ZNF671: variants seen among roughly 807,000 people sequenced by gnomAD.
The protein encoded by ZNF671 is hypothetical protein FLJ23506.
ZNF671 carries 19 observed loss-of-function variants against 16.6 expected under a neutral mutation model. The ratio of observed to expected loss-of-function variants is 1.14; its 90% CI spans 0.80 to 1.68. The LOEUF (loss-of-function observed/expected upper bound fraction) is 1.68. Among genes scored for constraint, ZNF671 ranks in the 40% most tolerant of loss-of-function variants. ZNF671 has a pLI of 0.00. For synonymous variants in ZNF671, 238 were observed against 236.3 expected (o/e 1.01, Z -0.06); for missense variants, 637 against 659.8 (o/e 0.97, Z 0.38).
Position 57,727,425 on chromosome 19 carries a change from T to C in ZNF671, c.104A>G (p.His35Arg), listed in dbSNP as rs765722592. 22 of 1,612,772 alleles carry C rather than the reference T, an allele frequency of 1.4e-5. No individual in the cohort carries two copies. In the South Asian group the frequency reaches 1.6e-4, roughly 12 times the overall value. ...RLPLPAAVRAHGPMAELTDSA... is the reference protein window; with the variant it reads ...RLPLPAAVRARGPMAELTDSA... ...GTCCGTTAGCTCCGCCATAGGACCG[T>C]GGGCGCGGACAGCTGCCGGGAGCGG... Residue 35 changes from histidine (H) to arginine (R), a missense_variant, in exon 1 of 4, where the codon CAC (histidine) becomes CGC (arginine). Coordinates refer to ENST00000317398, the MANE Select transcript of ZNF671 (RefSeq NM_024833.3).
rs748301533 is a variant in ZNF671 at position 57,723,298 on chromosome 19, C to T, written c.181G>A (p.Glu61Lys). 6.2e-7 allele frequency: 1 copy of T among 1,613,766 alleles called. No homozygotes were observed. The highest frequency in any genetic ancestry group is 1.3e-5 in the African/African-American group (1 of 75,024). Residue 61 changes from glutamate (E) to lysine (K), a missense_variant, in exon 2 of 4, where the codon GAA becomes AAA. Physicochemically the swap from Glu to Lys is moderately conservative, Grantham distance 56 (BLOSUM62 1). Transcript: ENST00000317398. ...GCATCATCAAGAAGCTCCCATTCTT[C>T]CCGAGAGAAGTATACAAACACATCC... ...FEDVFVYFSR[E>K]EWELLDDAQR...
rs780219116 is a variant in ZNF671 at position 57,723,271 on chromosome 19, G to C, written c.208C>G (p.Gln70Glu). The C allele has an allele frequency of 1.2e-6, 2 of 1,613,704 alleles. No individual in the cohort carries two copies. The highest frequency in any genetic ancestry group is 1.7e-6 in the Non-Finnish European group (2 of 1,179,818). The change falls in exon 2 of 4, where the codon CAG becomes GAG. Residue 70 changes from glutamine (Q) to glutamate (E), a missense_variant. Transcript: ENST00000317398. The stretch of plus-strand genomic sequence containing the variant: ...ATCACATCATGGTACAAAAGTCTCT[G>C]AGCATCATCAAGAAGCTCCCATTCT... ...REEWELLDDAQRLLYHDVMLE... is the reference protein window; with the variant it reads ...REEWELLDDAERLLYHDVMLE...
chr19:57,722,714 C>A (rs1433668934), intron 2 of ZNF671, among the ~76,000 whole-genome samples: 1 of 152,122 alleles, frequency 6.6e-6, no homozygotes, highest in South Asian at 2.1e-4. Context: ...CCAGCCTGGG[C>A]AACATGGCAA....
intron 1 of ZNF671, among the ~76,000 whole-genome samples, chr19:57,726,506 G>T (rs976269432): frequency 2.0e-5 from 3 of 151,662 alleles, no homozygotes; most frequent in Non-Finnish European, 4.4e-5. Context: ...CTTCTGGGGG[G>T]AGTCTCAAGA....
chr19:57,720,658 T>C lies in ZNF671; in HGVS notation c.1428A>G (p.Glu476=). Residue 476 remains glutamate (E), a synonymous_variant, in exon 4 of 4, where the codon GAA becomes GAG. Coordinates refer to ENST00000317398, the MANE Select transcript of ZNF671 (RefSeq NM_024833.3). The part of the protein sequence containing the change: ...LIQHQKVHSG[E]KPYECSKCGK... Reference sequence around the variant, plus strand: ...CGCACTTGCTGCACTCATAAGGCTTTTCTCCAGAGTGAACTTTCTGGTGCT... The same window carrying C: ...CGCACTTGCTGCACTCATAAGGCTTCTCTCCAGAGTGAACTTTCTGGTGCT... The C allele has an allele frequency of 1.2e-6, 2 of 1,614,210 alleles. No individual in the cohort carries two copies. Among genetic ancestry groups the C allele is most frequent in the Non-Finnish European group, 1.7e-6 (2 of 1,180,050 alleles).
Position 57,720,781 on chromosome 19 carries a change from G to T in ZNF671, c.1305C>A (p.Ser435Arg). The T allele has an allele frequency of 6.2e-7, 1 of 1,614,154 alleles. No individual in the cohort carries two copies. ...YECSECGKAF[S>R]QSSHLNVHWR... is the part of the protein sequence containing the mutation. The stretch of plus-strand genomic sequence containing the variant: ...AGTGTACATTAAGGTGGGAGCTTTG[G>T]CTAAAGGCCTTCCCACATTCACTGC... The change falls in exon 4 of 4, where the codon AGC (serine) becomes AGA (arginine). Residue 435 changes from serine to arginine, a missense_variant. Coordinates refer to ENST00000317398, the MANE Select transcript of ZNF671 (RefSeq NM_024833.3).
At position 57,723,214 on chromosome 19, in the gene ZNF671, C is replaced by G; in HGVS notation, c.265G>C (p.Gly89Arg). Residue 89 changes from glycine (G) to arginine (R), a missense_variant and splice_region_variant, in exon 2 of 4, where the codon GGA (glycine) becomes CGA (arginine). Physicochemically the swap from Gly to Arg is moderately radical, Grantham distance 125. Coordinates refer to ENST00000317398, the MANE Select transcript of ZNF671 (RefSeq NM_024833.3). ...LENFALLASL[G>R]IAFSRSRAVM... is the part of the protein sequence containing the mutation. ...AGGCAGAAAAGCATGAGGACCTTAC[C>G]CAGTGAGGCTAAAAGTGCAAAGTTC... is the stretch of plus-strand genomic sequence containing the variant. 6.2e-7 allele frequency: 1 copy of G among 1,609,500 alleles called. No homozygotes were observed. The highest frequency in any genetic ancestry group is 8.5e-7 in the Non-Finnish European group (1 of 1,177,354).
intron 1 of ZNF671, among the ~76,000 whole-genome samples, chr19:57,724,992 G>A (rs1259573490): frequency 6.6e-6 from 1 of 152,086 alleles, no homozygotes; most frequent in Non-Finnish European, 1.5e-5. Context: ...CTGGCCTTAG[G>A]ATAATGACAG....
At chr19:57,723,418 G>A in intron 1 of ZNF671, 78 bp from the exon 2 acceptor site, 1 of 1,503,020 alleles carries the variant, frequency 6.7e-7, no homozygotes, top group African/African-American at 1.4e-5. Flanking sequence ...ACAACATCCT[G>A]CTAACTAACC....
intron 1 of ZNF671, 105 bp from the exon 2 acceptor site, chr19:57,723,445 C>G (rs1985943723): frequency 9.5e-6 from 13 of 1,361,648 alleles, no homozygotes; most frequent in Non-Finnish European, 1.3e-5. Context: ...GTTCCCAAGT[C>G]AGAGATACCA....
chr19:57,726,567 C>A (rs1396461916), intron 1 of ZNF671, among the ~76,000 whole-genome samples: 1 of 152,014 alleles, frequency 6.6e-6, no homozygotes, highest in Non-Finnish European at 1.5e-5. Context: ...TCATCTCTTA[C>A]CCCAGAGATA....
chr19:57,723,006 A>T (rs1182235661), intron 2 of ZNF671, among the ~76,000 whole-genome samples: 1 of 152,180 alleles, frequency 6.6e-6, no homozygotes, highest in African/African-American at 2.4e-5. Context: ...AGACCTAGTG[A>T]GATCCACTGG....
chr19:57,722,530 G>T, intron 2 of ZNF671, 92 bp from the exon 3 acceptor site: 1 of 1,563,964 alleles, frequency 6.4e-7, no homozygotes, highest in East Asian at 2.2e-5. Flanking sequence ...AACCTGGGAG[G>T]AGTTGTGCAG....
chr19:57,721,668 C>A lies in ZNF671; in HGVS notation c.418G>T (p.Val140Leu). 6.2e-7 allele frequency: 1 copy of A among 1,613,666 alleles called. No homozygotes were observed. Among genetic ancestry groups the A allele is most frequent in the Non-Finnish European group, 8.5e-7 (1 of 1,179,602 alleles). ...ACAAAAATGCTCTGCTCAGAAGATA[C>A]CTCTTCATCCTCCACTCCATGCCAA... The part of the protein sequence containing the change: ...GCWHGVEDEE[V>L]SSEQSIFVAG... Residue 140 changes from valine (V) to leucine (L), a missense_variant, in exon 4 of 4, where the codon GTA (valine) becomes TTA (leucine). Physicochemically the swap from Val to Leu is conservative, Grantham distance 32 (BLOSUM62 1). Coordinates refer to ENST00000317398, the MANE Select transcript of ZNF671 (RefSeq NM_024833.3).
At chr19:57,721,850 G>T in intron 3 of ZNF671, 153 bp from the exon 4 acceptor site, 1 of 1,082,634 alleles carries the variant, frequency 9.2e-7, no homozygotes, top group Non-Finnish European at 1.3e-6. Context: ...ATGGCTTTGA[G>T]GTAGTGAGCC....
chr19:57,727,476 C>T lies in ZNF671; in HGVS notation c.53G>A (p.Cys18Tyr). 1 of 1,613,262 alleles carries T rather than the reference C, an allele frequency of 6.2e-7. No homozygotes were observed. The highest frequency in any genetic ancestry group is 1.1e-5 in the South Asian group (1 of 91,016). ...CAGGCGTCTCGATCGGGGACGCAGG[C>T]ACTTCCGTCCCTGCAGAGCATCAGA... ...DASDALQGRK[C>Y]LRPRSRRLPL... The change falls in exon 1 of 4, where the codon TGC becomes TAC. Residue 18 changes from cysteine to tyrosine, a missense_variant. Cys to Tyr is a radical substitution (Grantham distance 194, BLOSUM62 -2). Coordinates refer to ENST00000317398, the MANE Select transcript of ZNF671 (RefSeq NM_024833.3).
Position 57,720,897 on chromosome 19 carries a change from A to G in ZNF671, c.1189T>C (p.Tyr397His), listed in dbSNP as rs149563831. The stretch of plus-strand genomic sequence containing the variant: ...TCTTTCCCACATTCGCTGCATACAT[A>G]AGGCCTGGCTCCTGTGTGAACTTCC... ...HQEVHTGARPYVCSECGKEFS... is the reference protein window; with the variant it reads ...HQEVHTGARPHVCSECGKEFS... The change falls in exon 4 of 4, where the codon TAT (tyrosine) becomes CAT (histidine). Residue 397 changes from tyrosine (Y) to histidine (H), a missense_variant. Transcript: ENST00000317398. 275 of 1,614,020 alleles carry G rather than the reference A, an allele frequency of 1.7e-4. No homozygotes were observed. The highest frequency in any genetic ancestry group is 2.2e-4 in the Non-Finnish European group (261 of 1,180,006).
At chr19:57,726,861 T>C (rs1373174809) in intron 1 of ZNF671, 1 of 152,850 alleles carries the variant, frequency 6.5e-6, no homozygotes, top group East Asian at 1.9e-4. Flanking sequence ...TCCTGTTGGT[T>C]TCAAATTTAA....
Position 57,720,941 on chromosome 19 carries a change from G to A in ZNF671, c.1145C>T (p.Ser382Phe). Residue 382 changes from serine to phenylalanine, a missense_variant, in exon 4 of 4, where the codon TCT (serine) becomes TTT (phenylalanine). Coordinates refer to ENST00000317398, the MANE Select transcript of ZNF671 (RefSeq NM_024833.3). ...AACTTCCTGGTGTCGAATGAGATTA[G>A]ACTTACTGCTAAAAAATTTCCCACA... Reference protein sequence around the residue: ...GKCGKFFSSKSNLIRHQEVHT... With the variant: ...GKCGKFFSSKFNLIRHQEVHT... 1 of 1,614,020 alleles carries A rather than the reference G, an allele frequency of 6.2e-7. No homozygotes were observed. The highest frequency in any genetic ancestry group is 8.5e-7 in the Non-Finnish European group (1 of 1,180,016).
Sources: gnomAD v4.1 joint callset for allele counts (sites outside exome capture counted in the v4.1 genomes callset) on GRCh38, gnomAD v4.1.1 for gene constraint, MANE v1.5 for transcripts, NCBI Gene and HGNC (gene_info 2026-07-23, HGNC 2026-07-21) for gene names.